The following SAMM50 variants were observed in gnomAD, a reference collection of about 807,000 sequenced individuals.
SAMM50 encodes the protein SAMM50 sorting and assembly machinery component.
In SAMM50, 47 loss-of-function variants were observed where a neutral mutation model predicts 66.9. The observed-to-expected ratio is 0.70, with a 90% CI of 0.56 to 0.90. The LOEUF is 0.90. Among genes scored for constraint, SAMM50 ranks in the 40% least tolerant of loss-of-function variants. SAMM50 has a pLI of 0.00. For missense variants in SAMM50, 535 were observed against 595.3 expected, an observed-to-expected ratio of 0.90 and a Z score of 1.05; for synonymous variants, 191 against 214.1, an observed-to-expected ratio of 0.89 and a Z score of 0.94.
chr22:43,976,189 G>A lies in SAMM50; in HGVS notation c.777+6G>A, dbSNP rs2073084. ...CACTGAAATCATCTCTTTCGGTAAC[G>A]GTTTCTCTTAGTTGGAGTAAATAAT... On this transcript the variant is annotated splice_donor_region_variant and intron_variant, in intron 8 of 14. Coordinates refer to ENST00000350028, the MANE Select transcript of SAMM50 (RefSeq NM_015380.5). 0.31 allele frequency: 496,202 copies of A among 1,597,940 alleles called. 84,194 individuals are homozygous for A. Among genetic ancestry groups the A allele is most frequent in the African/African-American group, 0.62 (46,479 of 74,616 alleles).
At position 43,958,004 on chromosome 22, in the gene SAMM50, C is replaced by T. The variant is rs576656019; in HGVS notation, c.21+2406C>T. Among the ~76,000 whole-genome samples the T allele has an allele frequency of 6.4e-4, 98 of 152,318 alleles. 2 individuals are homozygous for T. The highest frequency in any genetic ancestry group is 3.4e-3 in the Middle Eastern group (1 of 294). ...TCCTGACCTTGTGATCCGCCTGCCT[C>T]GGCCTTCCAAAGTGCTGAGATTACA... On this transcript the variant is annotated intron_variant, in intron 1 of 14. Coordinates refer to ENST00000350028, the MANE Select transcript of SAMM50 (RefSeq NM_015380.5).
intron 14 of SAMM50, 26 bp from the exon 15 acceptor site, chr22:43,996,312 G>C (rs773562318): frequency 1.2e-6 from 2 of 1,613,672 alleles, no homozygotes; most frequent in African/African-American, 2.7e-5. Flanking sequence ...AGCGGCCGCC[G>C]CATCTGATCT....
chr22:43,965,479 A>G (rs1391668555), intron 3 of SAMM50, among the ~76,000 whole-genome samples: 1 of 152,160 alleles, frequency 6.6e-6, no homozygotes, highest in Non-Finnish European at 1.5e-5. Context: ...AAATGCTGAG[A>G]TTACAGCCAT....
chr22:43,978,077 A>G, intron 10 of SAMM50, 119 bp downstream of exon 10: 1 of 660,154 alleles, frequency 1.5e-6, no homozygotes. Flanking sequence ...GGTAATGCTT[A>G]ACCTTTGATG....
chr22:43,980,948 G>C (rs2050261609), intron 10 of SAMM50, among the ~76,000 whole-genome samples: 1 of 152,200 alleles, frequency 6.6e-6, no homozygotes, highest in South Asian at 2.1e-4. Flanking sequence ...TCTGCATTGG[G>C]GGAGCCTTGC....
chr22:43,968,544 A>G (rs1299666093), intron 3 of SAMM50, among the ~76,000 whole-genome samples, 187 bp from the exon 4 acceptor site: 1 of 152,222 alleles, frequency 6.6e-6, no homozygotes, highest in Non-Finnish European at 1.5e-5. Context: ...GCACTTGTGA[A>G]TGGGCATTTT....
intron 9 of SAMM50, among the ~76,000 whole-genome samples, chr22:43,977,629 A>G (rs536191062): frequency 6.6e-6 from 1 of 152,336 alleles, no homozygotes; most frequent in East Asian, 1.9e-4. Flanking sequence ...TCAGGCTGCC[A>G]GTGCTCCCTG....
intron 8 of SAMM50, 70 bp from the exon 9 acceptor site, chr22:43,976,680 G>T (rs2050234149): frequency 7.0e-6 from 8 of 1,136,680 alleles, no homozygotes; most frequent in Non-Finnish European, 1.1e-5. Flanking sequence ...TGGCCCACGT[G>T]CTGTGAGTGC....
chr22:43,993,113 C>T (rs762062603), intron 14 of SAMM50, among the ~76,000 whole-genome samples: 2 of 152,328 alleles, frequency 1.3e-5, no homozygotes, highest in East Asian at 1.9e-4. Context: ...TGCAGGTAGC[C>T]CCAGAGGCGC....
chr22:43,992,794 G>A (rs1162272062), intron 14 of SAMM50, among the ~76,000 whole-genome samples: 2 of 152,228 alleles, frequency 1.3e-5, no homozygotes, highest in South Asian at 2.1e-4. Context: ...TGATACACCC[G>A]GCGTGGCCAG....
intron 12 of SAMM50, among the ~76,000 whole-genome samples, chr22:43,985,590 C>T (rs1330819862): frequency 6.6e-6 from 1 of 152,032 alleles, no homozygotes; most frequent in Non-Finnish European, 1.5e-5. Flanking sequence ...GTTTGTTTGT[C>T]CATTCAGCTG....
chr22:43,980,065 C>T (rs578029385), intron 10 of SAMM50, among the ~76,000 whole-genome samples: 34 of 150,830 alleles, frequency 2.3e-4, no homozygotes, highest in African/African-American at 8.1e-4. Context: ...CCCATTTACC[C>T]ATCCATCCAT....
chr22:43,980,887 G>T (rs1341854324), intron 10 of SAMM50, among the ~76,000 whole-genome samples: 1 of 152,242 alleles, frequency 6.6e-6, no homozygotes, highest in Non-Finnish European at 1.5e-5. Context: ...ACTGCCTCCT[G>T]CCCTGTAAGA....
At position 43,964,549 on chromosome 22, in the gene SAMM50, T is replaced by G; in HGVS notation, c.230T>G (p.Ile77Ser). ...IGDVFKAKNL[I>S]EVMRKSHEAR... ...GATGTTTTCAAGGCCAAAAACCTAA[T>G]TGAGGTAGGTGTGGTCTCTACATGG... The change falls in exon 3 of 15, where the codon ATT (isoleucine) becomes AGT (serine). Residue 77 changes from isoleucine to serine, a missense_variant. Physicochemically the swap from Ile to Ser is moderately radical, Grantham distance 142. Coordinates refer to ENST00000350028, the MANE Select transcript of SAMM50 (RefSeq NM_015380.5). The G allele has an allele frequency of 1.3e-6, 2 of 1,548,094 alleles. No individual in the cohort carries two copies. Among genetic ancestry groups the G allele is most frequent in the Non-Finnish European group, 1.8e-6 (2 of 1,119,948 alleles).
chr22:43,984,469 T>G (rs1280565062), intron 12 of SAMM50, among the ~76,000 whole-genome samples: 2 of 136,072 alleles, frequency 1.5e-5, no homozygotes, highest in South Asian at 2.5e-4. Flanking sequence ...CCCGCCACCA[T>G]GCCTAGCTAA....
intron 2 of SAMM50, among the ~76,000 whole-genome samples, chr22:43,963,815 A>G (rs1223572952): frequency 6.6e-6 from 1 of 152,192 alleles, no homozygotes; most frequent in East Asian, 1.9e-4. Context: ...CGAGACTGAG[A>G]GGTGAGGGCC....
chr22:43,984,023 G>A (rs753605029), intron 12 of SAMM50, 23 bp downstream of exon 12: 6 of 1,600,578 alleles, frequency 3.7e-6, no homozygotes, highest in African/African-American at 1.4e-5. Context: ...CCCTCACGGC[G>A]CCAAGTCTAG....
Position 43,993,858 on chromosome 22 carries a change from C to T in SAMM50, c.1365-2480C>T, listed in dbSNP as rs538922538. Among the ~76,000 whole-genome samples the T allele has an allele frequency of 7.2e-5, 11 of 152,346 alleles. No homozygotes were observed. The South Asian group carries it at 2.3e-3, about 32-fold the overall frequency. On this transcript the variant is annotated intron_variant, in intron 14 of 14. Coordinates refer to ENST00000350028, the MANE Select transcript of SAMM50 (RefSeq NM_015380.5). ...TGAGGCAGGCACACTGTAAATAGGA[C>T]TTCAGACATTCACAAAGAAGGAAAC...
Position 43,982,283 on chromosome 22 carries a change from T to A in SAMM50, c.1007+822T>A, listed in dbSNP as rs143426398. On this transcript the variant is annotated intron_variant, in intron 11 of 14. Coordinates refer to ENST00000350028, the MANE Select transcript of SAMM50 (RefSeq NM_015380.5). ...GTGTAAAGATTTATGTGTAGAAGGA[T>A]GTCCATTGTAGCATTGCTGATGAAT... is the stretch of plus-strand genomic sequence containing the variant. Among the ~76,000 whole-genome samples, 838 of 152,354 alleles carry A rather than the reference T, an allele frequency of 5.5e-3. 5 individuals carry two copies. Among genetic ancestry groups the A allele is most frequent in the Non-Finnish European group, 9.2e-3 (625 of 68,032 alleles).
Sources: gnomAD v4.1 joint callset for allele counts (sites outside exome capture counted in the v4.1 genomes callset) on GRCh38, gnomAD v4.1.1 for gene constraint, MANE v1.5 for transcripts, NCBI Gene and HGNC (gene_info 2026-07-23, HGNC 2026-07-21) for gene names.